Variants in MPIG6B observed in about 807,000 individuals in gnomAD.
MPIG6B encodes the protein immunoglobulin receptor.
MPIG6B carries 22 observed loss-of-function variants against 24.2 expected under a neutral mutation model. The observed-to-expected ratio is 0.91, with a 90% CI of 0.65 to 1.30. The LOEUF is 1.30. Among genes scored for constraint, MPIG6B ranks in the 50% most tolerant of loss-of-function variants. The pLI, the probability that MPIG6B is intolerant of heterozygous loss-of-function variation, is 0.00. For missense variants in MPIG6B, 301 were observed against 318.5 expected (o/e 0.94, Z 0.42); for synonymous variants, 136 against 142.0 (o/e 0.96, Z 0.30).
At chr6:31,722,631 T>C (rs1463573593), upstream of MPIG6B, among the ~76,000 whole-genome samples, 1 of 151,842 alleles carries the variant, frequency 6.6e-6, no homozygotes, top group Non-Finnish European at 1.5e-5. Flanking sequence ...CCGAGGTGGG[T>C]GGATCACAAG....
In MPIG6B at chr6:31,723,630, C is replaced by A; in HGVS notation, c.62-9C>A. 2 of 1,548,668 alleles carry A rather than the reference C, an allele frequency of 1.3e-6. No homozygotes were observed. Among genetic ancestry groups the A allele is most frequent in the Non-Finnish European group, 1.7e-6 (2 of 1,149,968 alleles). On this transcript the variant is annotated splice_polypyrimidine_tract_variant and intron_variant, in intron 1 of 5. Coordinates refer to ENST00000649779, the MANE Select transcript of MPIG6B (RefSeq NM_138272.3). The surrounding 1 kb of genome is among the most constrained non-coding windows in gnomAD (Gnocchi z 4.3). ...ACGTGCCCTAACCACAGCCTCCGGC[C>A]TCTCCTAGCTTCTCTGGACGGCCGC...
rs1296119654 is a variant in MPIG6B, at chr6:31,725,406, C to G, written c.*332C>G. Reference sequence around the variant, plus strand: ...TGCAGTGACACCATCTCCCTCACTGCAAGCTCCGCCTGCCGGGTTCACACC... The same window carrying G: ...TGCAGTGACACCATCTCCCTCACTGGAAGCTCCGCCTGCCGGGTTCACACC... On this transcript the variant is annotated 3_prime_UTR_variant, in exon 6 of 6. Coordinates refer to ENST00000649779, the MANE Select transcript of MPIG6B (RefSeq NM_138272.3). The surrounding 1 kb of genome is among the most constrained non-coding windows in gnomAD (Gnocchi z 5.2). 3 of 254,200 alleles carry G rather than the reference C, an allele frequency of 1.2e-5. No homozygotes were observed. The highest frequency in any genetic ancestry group is 6.8e-5 in the African/African-American group (3 of 44,404). The allele number at this position is 254,200 out of a possible 1,614,324, so 15.7% of individuals were successfully genotyped here.
rs1421141484 is a variant in MPIG6B at position 31,725,517 on chromosome 6, C to T, written c.*443C>T. The T allele has an allele frequency of 1.2e-5, 2 of 163,328 alleles. No homozygotes were observed. Among genetic ancestry groups the T allele is most frequent in the African/African-American group, 2.4e-5 (1 of 41,562 alleles). 10.1% of individuals were successfully genotyped at this position (163,328 alleles called of 1,614,324 possible). A position where few individuals can be genotyped will look rare whatever the true frequency, so the allele number is the denominator to read the frequency against. ...TAATTTTTTGTATTTTTAGTAGAGA[C>T]GGGGTTTCACTGTGTTAGCCAGGAT... On this transcript the variant is annotated 3_prime_UTR_variant, in exon 6 of 6. Coordinates refer to ENST00000649779, the MANE Select transcript of MPIG6B (RefSeq NM_138272.3). The surrounding 1 kb of genome is among the most constrained non-coding windows in gnomAD (Gnocchi z 5.2).
chr6:31,723,730 G>T lies in MPIG6B; in HGVS notation c.153G>T (p.Pro51=). Residue 51 remains proline (P), a synonymous_variant, in exon 2 of 6, where the codon CCG becomes CCT. Coordinates refer to ENST00000649779, the MANE Select transcript of MPIG6B (RefSeq NM_138272.3). This position sits in a 1 kb window ranked among gnomAD's most constrained non-coding sequence, Gnocchi z 4.3. The part of the protein sequence containing the change: ...PIRWVWAPSF[P]ACKGLSKGRR... ...GCTGGGTCTGGGCACCCAGCTTCCC[G>T]GCCTGCAAGGGCCTGTCCAAAGGAC... 3 of 1,613,170 alleles carry T rather than the reference G, an allele frequency of 1.9e-6. No homozygotes were observed. The highest frequency in any genetic ancestry group is 2.5e-6 in the Non-Finnish European group (3 of 1,179,920).
At chr6:31,723,293 GTTCT>G, upstream of MPIG6B, 1 of 516,454 alleles carries the variant, frequency 1.9e-6, no homozygotes, top group Admixed American at 3.6e-5. The surrounding 1 kb of genome is among the most constrained non-coding windows in gnomAD (Gnocchi z 4.3). Flanking sequence ...CAGCCCCTCC[GTTCT>G]CCCCACGCCT....
Position 31,724,132 on chromosome 6 carries a change from T to G in MPIG6B, c.410-10T>G, listed in dbSNP as rs760324850. On this transcript the variant is annotated splice_polypyrimidine_tract_variant and intron_variant, in intron 2 of 5. Transcript: ENST00000649779. ...CCTCAGCATCCCTCCCCGCCACGCCTTTCCCCCAGGGTCCGTGTATCCCCA... is the reference window on the plus strand; with the variant it reads ...CCTCAGCATCCCTCCCCGCCACGCCGTTCCCCCAGGGTCCGTGTATCCCCA... 1 of 1,611,602 alleles carries G rather than the reference T, an allele frequency of 6.2e-7. No homozygotes were observed. Among genetic ancestry groups the G allele is most frequent in the Non-Finnish European group, 8.5e-7 (1 of 1,178,846 alleles).
In MPIG6B at chr6:31,723,523, G is replaced by A. The variant is rs1441075688; in HGVS notation, c.61+79G>A. 3 of 1,465,658 alleles carry A rather than the reference G, an allele frequency of 2.0e-6. No homozygotes were observed. Among genetic ancestry groups the A allele is most frequent in the Non-Finnish European group, 1.9e-6 (2 of 1,055,320 alleles). 90.8% of individuals were successfully genotyped at this position (1,465,658 alleles called of 1,614,324 possible). A position where few individuals can be genotyped will look rare whatever the true frequency, so the allele number is the denominator to read the frequency against. ...AGGGCCGCCTAGTAGGGTGGGTTGT[G>A]TGTGGGAAGATCCAGGATGGCTGGA... On this transcript the variant is annotated intron_variant, in intron 1 of 5. Coordinates refer to ENST00000649779, the MANE Select transcript of MPIG6B (RefSeq NM_138272.3). The surrounding 1 kb of genome is among the most constrained non-coding windows in gnomAD (Gnocchi z 4.3).
upstream of MPIG6B, among the ~76,000 whole-genome samples, chr6:31,722,526 A>G (rs1031872853): frequency 5.9e-5 from 9 of 152,198 alleles, no homozygotes; most frequent in African/African-American, 2.2e-4. Context: ...GAGGAACAGC[A>G]TGGGCACAGA....
At chr6:31,721,024 C>T (rs1806745084), upstream of MPIG6B, 1 of 152,368 alleles carries the variant, frequency 6.6e-6, no homozygotes, top group African/African-American at 2.4e-5. Flanking sequence ...CAAGAAAACG[C>T]TCTGTTTCCA....
chr6:31,725,431 C>T lies in MPIG6B; in HGVS notation c.*357C>T. On this transcript the variant is annotated 3_prime_UTR_variant, in exon 6 of 6. Transcript: ENST00000649779. The surrounding 1 kb of genome is among the most constrained non-coding windows in gnomAD (Gnocchi z 5.2). Reference sequence around the variant, plus strand: ...CAAGCTCCGCCTGCCGGGTTCACACCATTCTCCTGCCTCAGGCTCCTGAGT... The same window carrying T: ...CAAGCTCCGCCTGCCGGGTTCACACTATTCTCCTGCCTCAGGCTCCTGAGT... 1 of 211,672 alleles carries T rather than the reference C, an allele frequency of 4.7e-6. No homozygotes were observed. Among genetic ancestry groups the T allele is most frequent in the Non-Finnish European group, 9.4e-6 (1 of 106,624 alleles). The allele number at this position is 211,672 out of a possible 1,614,324, so 13.1% of individuals were successfully genotyped here.
intron 3 of MPIG6B, 148 bp from the exon 4 acceptor site, chr6:31,724,439 G>C: frequency 1.2e-6 from 1 of 808,550 alleles, no homozygotes; most frequent in East Asian, 2.5e-5. Flanking sequence ...AGCAGAGTTA[G>C]AGCCTGGGCT....
At chr6:31,720,512 T>C (rs1806723384), upstream of MPIG6B, among the ~76,000 whole-genome samples, 1 of 151,786 alleles carries the variant, frequency 6.6e-6, no homozygotes, top group South Asian at 2.1e-4. This position sits in a 1 kb window ranked among gnomAD's most constrained non-coding sequence, Gnocchi z 4.9. Context: ...TGGAGATAGA[T>C]GGAATGTGAG....
At position 31,724,120 on chromosome 6, in the gene MPIG6B, C is replaced by A. The variant is rs376188647; in HGVS notation, c.410-22C>A. 3.1e-5 allele frequency: 49 copies of A among 1,604,920 alleles called. No individual in the cohort carries two copies. In the African/African-American group the frequency reaches 3.9e-4, roughly 13 times the overall value. On this transcript the variant is annotated intron_variant, in intron 2 of 5. Transcript: ENST00000649779. ...TCAAACCCCTGACCTCAGCATCCCT[C>A]CCCGCCACGCCTTTCCCCCAGGGTC...
At position 31,723,914 on chromosome 6, in the gene MPIG6B, G is replaced by T. The variant is rs1807078259; in HGVS notation, c.337G>T (p.Glu113Ter). 1 of 1,596,518 alleles carries T rather than the reference G, an allele frequency of 6.3e-7. No individual in the cohort carries two copies. Among genetic ancestry groups the T allele is most frequent in the Admixed American group, 1.7e-5 (1 of 58,354 alleles). ...SGTFFCKGRH[E>*]DESRTVLHVL... Reference sequence around the variant, plus strand: ...CACTTTTTTCTGCAAGGGCCGCCACGAGGACGAGAGCCGTACAGTGCTTCA... The same window carrying T: ...CACTTTTTTCTGCAAGGGCCGCCACTAGGACGAGAGCCGTACAGTGCTTCA... The change falls in exon 2 of 6, where the codon GAG becomes TAG. Residue 113 changes from glutamate (E) to a stop codon, truncating the protein, a stop_gained. Coordinates refer to ENST00000649779, the MANE Select transcript of MPIG6B (RefSeq NM_138272.3). LOFTEE classifies it high-confidence loss of function. This position sits in a 1 kb window ranked among gnomAD's most constrained non-coding sequence, Gnocchi z 4.3.
chr6:31,723,664 C>G lies in MPIG6B; in HGVS notation c.87C>G (p.Asp29Glu). 6.3e-7 allele frequency: 1 copy of G among 1,582,278 alleles called. No homozygotes were observed. The highest frequency in any genetic ancestry group is 8.6e-7 in the Non-Finnish European group (1 of 1,164,664). Reference sequence around the variant, plus strand: ...CTTCTCTGGACGGCCGCCCTGGGGACCGGGTGAATCTCTCCTGCGGAGGAG... The same window carrying G: ...CTTCTCTGGACGGCCGCCCTGGGGAGCGGGTGAATCTCTCCTGCGGAGGAG... Reference protein sequence around the residue: ...PGASLDGRPGDRVNLSCGGVS... With the variant: ...PGASLDGRPGERVNLSCGGVS... The change falls in exon 2 of 6, where the codon GAC becomes GAG. Residue 29 changes from aspartate to glutamate, a missense_variant. By Grantham distance (45) the Asp-to-Glu change is conservative. Transcript: ENST00000649779. This position sits in a 1 kb window ranked among gnomAD's most constrained non-coding sequence, Gnocchi z 4.3.
chr6:31,722,376 C>A (rs1326888265), upstream of MPIG6B, among the ~76,000 whole-genome samples: 1 of 152,134 alleles, frequency 6.6e-6, no homozygotes, highest in African/African-American at 2.4e-5. Context: ...CTCAGGATGT[C>A]ACCCGTGCTC....
chr6:31,723,615 A>T lies in MPIG6B; in HGVS notation c.62-24A>T, dbSNP rs1222801497. 2 of 1,533,892 alleles carry T rather than the reference A, an allele frequency of 1.3e-6. No homozygotes were observed. Among genetic ancestry groups the T allele is most frequent in the Middle Eastern group, 3.6e-4 (2 of 5,548 alleles). ...CGTCTTGCCCTGTGGACGTGCCCTA[A>T]CCACAGCCTCCGGCCTCTCCTAGCT... On this transcript the variant is annotated intron_variant, in intron 1 of 5. Coordinates refer to ENST00000649779, the MANE Select transcript of MPIG6B (RefSeq NM_138272.3). The surrounding 1 kb of genome is among the most constrained non-coding windows in gnomAD (Gnocchi z 4.3).
upstream of MPIG6B, chr6:31,723,318 C>A: frequency 1.4e-6 from 2 of 1,408,826 alleles, no homozygotes; most frequent in Non-Finnish European, 2.0e-6. The surrounding 1 kb of genome is among the most constrained non-coding windows in gnomAD (Gnocchi z 4.3). Context: ...AACTTCCCTC[C>A]GGTCCCCCCC....
Position 31,723,717 on chromosome 6 carries a change from C to A in MPIG6B, c.140C>A (p.Ala47Glu). ...GVSHPIRWVW[A>E]PSFPACKGLS... ...TCTCATCCCATCCGCTGGGTCTGGG[C>A]ACCCAGCTTCCCGGCCTGCAAGGGC... is the stretch of plus-strand genomic sequence containing the variant. Residue 47 changes from alanine (A) to glutamate (E), a missense_variant, in exon 2 of 6, where the codon GCA (alanine) becomes GAA (glutamate). Ala to Glu is a moderately radical substitution (Grantham distance 107). Transcript: ENST00000649779. The surrounding 1 kb of genome is among the most constrained non-coding windows in gnomAD (Gnocchi z 4.3). The A allele has an allele frequency of 6.2e-7, 1 of 1,612,528 alleles. No homozygotes were observed.
Sources: gnomAD v4.1 joint callset for allele counts (sites outside exome capture counted in the v4.1 genomes callset) on GRCh38, gnomAD v4.1.1 for gene constraint, Gnocchi (gnomAD v3.1) non-coding constraint, MANE v1.5 for transcripts, NCBI Gene and HGNC (gene_info 2026-07-23, HGNC 2026-07-21) for gene names.